Variants in SLC37A1 observed in about 807,000 individuals in gnomAD.
SLC37A1 encodes glucose-6-phosphate exchanger SLC37A1.
A neutral mutation model predicts 75.3 loss-of-function variants in SLC37A1; 49 were observed. That is an observed-to-expected ratio of 0.65 (90% confidence interval 0.52 to 0.83). The LOEUF (loss-of-function observed/expected upper bound fraction) is 0.83. Among genes scored for constraint, SLC37A1 ranks in the 40% least tolerant of loss-of-function variants. SLC37A1 has a pLI of 0.00. For synonymous variants in SLC37A1, 268 were observed against 292.1 expected, an observed-to-expected ratio of 0.92 and a Z score of 0.84; for missense variants, 566 against 695.0, an observed-to-expected ratio of 0.81 and a Z score of 2.09.
intron 11 of SLC37A1, chr21:42,561,689 G>A (rs907095390): frequency 1.0e-5 from 2 of 196,080 alleles, no homozygotes; most frequent in Non-Finnish European, 2.1e-5. Flanking sequence ...AAAGACACTG[G>A]GTTTTGATCC....
chr21:42,519,073 A>G (rs940702642), intron 2 of SLC37A1, among the ~76,000 whole-genome samples: 2 of 152,246 alleles, frequency 1.3e-5, no homozygotes, highest in South Asian at 2.1e-4. Context: ...CTGGCCTCTA[A>G]CTTGTCCTGC....
In SLC37A1 at chr21:42,545,424, G is replaced by A. The variant is rs550659920; in HGVS notation, c.731-1679G>A. 9.2e-5 allele frequency among the ~76,000 whole-genome samples: 14 copies of A among 152,210 alleles called. No individual in the cohort carries two copies. The East Asian group carries it at 1.7e-3, about 19-fold the overall frequency. ...GTTTGTTTCTGCCCCTCCTTGTCCCGAATCACTGATCCTGGGCAGGTACTA... is the reference window on the plus strand; with the variant it reads ...GTTTGTTTCTGCCCCTCCTTGTCCCAAATCACTGATCCTGGGCAGGTACTA... On this transcript the variant is annotated intron_variant, in intron 8 of 19. Coordinates refer to ENST00000352133, the MANE Select transcript of SLC37A1 (RefSeq NM_001320537.2). The surrounding 1 kb of genome is among the most constrained non-coding windows in gnomAD (Gnocchi z 4.0).
At chr21:42,531,214 C>T (rs926295129) in intron 3 of SLC37A1, among the ~76,000 whole-genome samples, 2 of 152,176 alleles carry the variant, frequency 1.3e-5, no homozygotes, top group Admixed American at 1.3e-4. Context: ...TGACTCCCGG[C>T]CCCGCCGCCT....
chr21:42,575,065 T>G (rs1299940642), intron 18 of SLC37A1, 150 bp downstream of exon 18: 1 of 1,425,862 alleles, frequency 7.0e-7, no homozygotes, highest in African/African-American at 1.4e-5. Context: ...GGTCTAAAGC[T>G]CCTTCTCTCT....
chr21:42,580,473 G>A lies in SLC37A1; in HGVS notation c.*113G>A. ...AAAGAGTGACCTCCCTTTGCCTTTT[G>A]CACACGCACCTGGAAAAGACACAGA... is the stretch of plus-strand genomic sequence containing the variant. On this transcript the variant is annotated 3_prime_UTR_variant, in exon 20 of 20. Coordinates refer to ENST00000352133, the MANE Select transcript of SLC37A1 (RefSeq NM_001320537.2). 8.4e-7 allele frequency: 1 copy of A among 1,189,440 alleles called. No homozygotes were observed. The highest frequency in any genetic ancestry group is 1.2e-6 in the Non-Finnish European group (1 of 847,658). 73.7% of individuals were successfully genotyped at this position (1,189,440 alleles called of 1,614,324 possible).
At chr21:42,562,903 G>C (rs2055870328) in intron 12 of SLC37A1, among the ~76,000 whole-genome samples, 1 of 152,204 alleles carries the variant, frequency 6.6e-6, no homozygotes, top group Non-Finnish European at 1.5e-5. Flanking sequence ...TCTCAAAGAG[G>C]AGGCCTTTGA....
chr21:42,551,827 TG>T (rs1569020168), intron 9 of SLC37A1, among the ~76,000 whole-genome samples: 21 of 148,514 alleles, frequency 1.4e-4, no homozygotes, highest in African/African-American at 4.6e-4. Context: ...TGTTTTGTTT[TG>T]TTTTGTTTTT....
rs1655843383 is a variant in SLC37A1, at chr21:42,514,594, A to G, written c.-302A>G. The G allele has an allele frequency of 6.6e-6, 1 of 152,258 alleles. No homozygotes were observed. Among genetic ancestry groups the G allele is most frequent in the African/African-American group, 2.4e-5 (1 of 41,470 alleles). The allele number at this position is 152,258 out of a possible 1,614,324, so 9.4% of individuals were successfully genotyped here. A position where few individuals can be genotyped will look rare whatever the true frequency, so the allele number is the denominator to read the frequency against. On this transcript the variant is annotated 5_prime_UTR_variant, in exon 1 of 20. The change abolishes an upstream ATG in the 5' untranslated region. Coordinates refer to ENST00000352133, the MANE Select transcript of SLC37A1 (RefSeq NM_001320537.2). This position sits in a 1 kb window ranked among gnomAD's most constrained non-coding sequence, Gnocchi z 4.8. ...CCGGAGCCCGTGGGCCTCCTGGCCA[A>G]TGCGAGTGACAGCGACCTTCTGGGT...
At chr21:42,572,141 C>T (rs1290106276) in intron 17 of SLC37A1, among the ~76,000 whole-genome samples, 1 of 152,212 alleles carries the variant, frequency 6.6e-6, no homozygotes, top group Non-Finnish European at 1.5e-5. Flanking sequence ...AACACCTTCT[C>T]TTCAGAACCC....
chr21:42,519,700 G>C lies in SLC37A1; in HGVS notation c.56+1190G>C, dbSNP rs73374148. ...AGCATCCACAGGGTGTCTCAGGTTT[G>C]ATTTGAGGGCATCTGTGTTCTTCAA... On this transcript the variant is annotated intron_variant, in intron 2 of 19. Transcript: ENST00000352133. Among the ~76,000 whole-genome samples the C allele has an allele frequency of 6.2e-3, 938 of 152,326 alleles. 10 individuals carry two copies. Among genetic ancestry groups the C allele is most frequent in the African/African-American group, 0.021 (891 of 41,582 alleles).
intron 2 of SLC37A1, among the ~76,000 whole-genome samples, chr21:42,505,089 T>C (rs2034811550): frequency 6.6e-6 from 1 of 152,276 alleles, no homozygotes; most frequent in African/African-American, 2.4e-5. Flanking sequence ...TTAGTCTCAC[T>C]GTCTTCTAAT....
At chr21:42,528,095 A>G (rs1185778960) in intron 3 of SLC37A1, among the ~76,000 whole-genome samples, 2 of 152,262 alleles carry the variant, frequency 1.3e-5, no homozygotes, top group African/African-American at 4.8e-5. Flanking sequence ...TGAATTAGAA[A>G]GTGAGTCTTA....
intron 17 of SLC37A1, among the ~76,000 whole-genome samples, chr21:42,571,530 T>TC (rs1323349660): frequency 6.6e-6 from 1 of 152,162 alleles, no homozygotes; most frequent in East Asian, 1.9e-4. Context: ...TCCGTCCCCC[T>TC]CCCCAGCCCT....
At chr21:42,535,326 A>T (rs1486345478) in intron 4 of SLC37A1, 146 bp from the exon 5 acceptor site, 2 of 656,468 alleles carry the variant, frequency 3.0e-6, no homozygotes, top group African/African-American at 3.6e-5. Flanking sequence ...CAGAAAATGC[A>T]CCGCCTTGTT....
chr21:42,554,395 G>T (rs574099177), intron 10 of SLC37A1, among the ~76,000 whole-genome samples: 1 of 152,178 alleles, frequency 6.6e-6, no homozygotes, highest in African/African-American at 2.4e-5. Context: ...ACTATTCCAG[G>T]TGTTGGGGGC....
At chr21:42,506,089 G>C (rs952836684) in intron 2 of SLC37A1, among the ~76,000 whole-genome samples, 1 of 152,230 alleles carries the variant, frequency 6.6e-6, no homozygotes, top group African/African-American at 2.4e-5. Flanking sequence ...CGGTGAACAT[G>C]AGTACTGGCA....
chr21:42,543,840 G>A (rs565689722), intron 8 of SLC37A1, among the ~76,000 whole-genome samples: 9 of 152,216 alleles, frequency 5.9e-5, no homozygotes, highest in Admixed American at 2.6e-4. Flanking sequence ...CCTTCCTCCC[G>A]TCCTCCTGTC....
intron 16 of SLC37A1, among the ~76,000 whole-genome samples, chr21:42,568,111 C>T (rs923441940): frequency 1.3e-5 from 2 of 152,256 alleles, no homozygotes; most frequent in African/African-American, 4.8e-5. Context: ...GCGGAACAAA[C>T]GTTTTTTATT....
intron 10 of SLC37A1, among the ~76,000 whole-genome samples, chr21:42,557,246 C>G (rs2055714275): frequency 6.6e-6 from 1 of 152,250 alleles, no homozygotes. Context: ...CTGTAGCCCT[C>G]AGCTTGCTAT....
Sources: gnomAD v4.1 joint callset for allele counts (sites outside exome capture counted in the v4.1 genomes callset) on GRCh38, gnomAD v4.1.1 for gene constraint, Gnocchi (gnomAD v3.1) non-coding constraint, MANE v1.5 for transcripts, NCBI Gene and HGNC (gene_info 2026-07-23, HGNC 2026-07-21) for gene names.